Variants in KIF6 observed in about 807,000 individuals in gnomAD.
KIF6 encodes the protein kinesin-like protein KIF6.
A neutral mutation model predicts 112.7 loss-of-function variants in KIF6; 106 were observed. The observed-to-expected ratio is 0.94, with a 90% CI of 0.80 to 1.11. KIF6 has a LOEUF of 1.11. Among genes scored for constraint, KIF6 ranks in the 50% least tolerant of loss-of-function variants. The pLI, the probability that KIF6 is intolerant of heterozygous loss-of-function variation, is 0.00. For synonymous variants in KIF6, 339 were observed against 339.9 expected (o/e 1.00, Z 0.03); for missense variants, 929 against 964.0 (o/e 0.96, Z 0.48).
At chr6:39,716,780 T>A (rs113886947) in intron 2 of KIF6, among the ~76,000 whole-genome samples, 2 of 152,130 alleles carry the variant, frequency 1.3e-5, no homozygotes, top group African/African-American at 2.4e-5. Flanking sequence ...CATTTCAAAC[T>A]CAGCATATGC....
In KIF6 at chr6:39,586,245, A is replaced by G; in HGVS notation, c.990+16T>C. 6.2e-7 allele frequency: 1 copy of G among 1,613,576 alleles called. No individual in the cohort carries two copies. Among genetic ancestry groups the G allele is most frequent in the Non-Finnish European group, 8.5e-7 (1 of 1,179,786 alleles). ...AAAACCTAGATTAAGATCTCCAGAAAGAAGAGCCCACATACATCAAGATTC... is the reference window on the plus strand; with the variant it reads ...AAAACCTAGATTAAGATCTCCAGAAGGAAGAGCCCACATACATCAAGATTC... On this transcript the variant is annotated intron_variant, in intron 8 of 22. Transcript: ENST00000287152.
rs78103689 is a variant in KIF6, at chr6:39,416,561, A to G, written c.1810+3387T>C. 8.3e-3 allele frequency among the ~76,000 whole-genome samples: 1,266 copies of G among 152,324 alleles called. 20 individuals are homozygous for G. The highest frequency in any genetic ancestry group is 0.029 in the African/African-American group (1,211 of 41,580). On this transcript the variant is annotated intron_variant, in intron 15 of 22. Coordinates refer to ENST00000287152, the MANE Select transcript of KIF6 (RefSeq NM_145027.6). ...TATTTCAACATCAGGATTGATGTAA[A>G]TGGCGTCTAGAGAAAGACAAAAAGG... is the stretch of plus-strand genomic sequence containing the variant.
intron 5 of KIF6, among the ~76,000 whole-genome samples, chr6:39,622,167 C>CA (rs35199120): frequency 0.052 from 6,283 of 121,720 alleles, 376 homozygotes; most frequent in African/African-American, 0.16. Context: ...AAATCCAGCT[C>CA]AAAAAAAAAA....
intron 15 of KIF6, among the ~76,000 whole-genome samples, chr6:39,410,632 A>G (rs1212606130): frequency 6.6e-6 from 1 of 152,246 alleles, no homozygotes; most frequent in East Asian, 1.9e-4. Flanking sequence ...ATTTGACTGT[A>G]TGAAAAATAA....
intron 13 of KIF6, among the ~76,000 whole-genome samples, chr6:39,434,825 A>G (rs1024353066): frequency 3.3e-5 from 5 of 152,130 alleles, no homozygotes; most frequent in African/African-American, 1.2e-4. Context: ...AGAAGTTTCC[A>G]GGTGGAGGGG....
At chr6:39,418,880 G>A (rs1000179467) in intron 15 of KIF6, among the ~76,000 whole-genome samples, 3 of 152,154 alleles carry the variant, frequency 2.0e-5, no homozygotes, top group East Asian at 1.9e-4. Context: ...ACTTGTAGGC[G>A]GAGAAAAGGG....
chr6:39,679,723 C>A lies in KIF6; in HGVS notation c.251+34969G>T, dbSNP rs187301171. Among the ~76,000 whole-genome samples the A allele has an allele frequency of 4.1e-4, 60 of 147,068 alleles. No homozygotes were observed. The East Asian group carries it at 0.011, about 28-fold the overall frequency. On this transcript the variant is annotated intron_variant, in intron 3 of 22. Coordinates refer to ENST00000287152, the MANE Select transcript of KIF6 (RefSeq NM_145027.6). ...CTCCACCTCCTGGGTTCAAGCAATT[C>A]TCTTGCCTCAGCCTCCCGAGTAGCT...
intron 7 of KIF6, among the ~76,000 whole-genome samples, chr6:39,594,301 T>C (rs528173202): frequency 4.6e-5 from 7 of 152,078 alleles, no homozygotes; most frequent in Admixed American, 4.6e-4. Context: ...TAATTTTGCA[T>C]GAACAGATGG....
intron 16 of KIF6, among the ~76,000 whole-genome samples, chr6:39,367,776 C>G (rs1163087666): frequency 6.6e-6 from 1 of 152,198 alleles, no homozygotes; most frequent in African/African-American, 2.4e-5. Context: ...GCCCTCCTCT[C>G]AAACGCTCTC....
chr6:39,535,215 C>T (rs545980264), intron 13 of KIF6, among the ~76,000 whole-genome samples: 3,533 of 152,190 alleles, frequency 0.023, 65 homozygotes, highest in Non-Finnish European at 0.034. Context: ...CATAACAATA[C>T]TAACTTTAAA....
intron 13 of KIF6, among the ~76,000 whole-genome samples, chr6:39,473,537 TA>T (rs1774258631): frequency 6.6e-6 from 1 of 152,154 alleles, no homozygotes; most frequent in African/African-American, 2.4e-5. Flanking sequence ...AAATGTTGTA[TA>T]ATATTTAATA....
chr6:39,621,485 C>A (rs1382386821), intron 5 of KIF6, among the ~76,000 whole-genome samples: 1 of 152,208 alleles, frequency 6.6e-6, no homozygotes, highest in South Asian at 2.1e-4. Flanking sequence ...CTCGTTGCAT[C>A]TCTGTCTCCT....
chr6:39,626,345 C>G (rs767546273), intron 5 of KIF6, among the ~76,000 whole-genome samples: 1 of 152,264 alleles, frequency 6.6e-6, no homozygotes, highest in South Asian at 2.1e-4. Flanking sequence ...CAGACTGACA[C>G]AAGTGGCTCC....
In KIF6 at chr6:39,333,428, C is replaced by T. The variant is rs1762808069; in HGVS notation, c.*3104G>A. Reference sequence around the variant, plus strand: ...GGCTGGGCTTGCCTGGGAGGCTCTGCTCCAGGCTGTAGACTGGGCTCAGGT... The same window carrying T: ...GGCTGGGCTTGCCTGGGAGGCTCTGTTCCAGGCTGTAGACTGGGCTCAGGT... On this transcript the variant is annotated 3_prime_UTR_variant, in exon 23 of 23. Transcript: ENST00000287152. 6.6e-6 allele frequency: 1 copy of T among 152,284 alleles called. No individual in the cohort carries two copies. The allele number at this position is 152,284 out of a possible 1,614,324, so 9.4% of individuals were successfully genotyped here. A position where few individuals can be genotyped will look rare whatever the true frequency, so the allele number is the denominator to read the frequency against.
chr6:39,386,196 C>G (rs1349932654), intron 15 of KIF6, among the ~76,000 whole-genome samples: 1 of 152,132 alleles, frequency 6.6e-6, no homozygotes, highest in South Asian at 2.1e-4. Flanking sequence ...GCACAGAGAA[C>G]AGTGATAGTT....
At chr6:39,573,268 A>G (rs558396908) in intron 10 of KIF6, among the ~76,000 whole-genome samples, 1 of 152,222 alleles carries the variant, frequency 6.6e-6, no homozygotes, top group East Asian at 1.9e-4. Context: ...ACATTCCTGA[A>G]TAAATATCCA....
At chr6:39,515,853 T>C (rs574441630) in intron 13 of KIF6, among the ~76,000 whole-genome samples, 11 of 152,326 alleles carry the variant, frequency 7.2e-5, no homozygotes, top group African/African-American at 2.6e-4. Flanking sequence ...ATCATACTTA[T>C]GCGTTATTAA....
At chr6:39,409,387 C>T (rs1769321622) in intron 15 of KIF6, among the ~76,000 whole-genome samples, 1 of 152,206 alleles carries the variant, frequency 6.6e-6, no homozygotes, top group East Asian at 1.9e-4. Flanking sequence ...ACTGCCTGGG[C>T]TGGGCTTTTG....
At chr6:39,667,374 C>T (rs1786540603) in intron 3 of KIF6, among the ~76,000 whole-genome samples, 1 of 152,168 alleles carries the variant, frequency 6.6e-6, no homozygotes, top group Non-Finnish European at 1.5e-5. Flanking sequence ...AAAGTCTGTC[C>T]TAGCTCTCAG....
Sources: gnomAD v4.1 joint callset for allele counts (sites outside exome capture counted in the v4.1 genomes callset) on GRCh38, gnomAD v4.1.1 for gene constraint, MANE v1.5 for transcripts, NCBI Gene and HGNC (gene_info 2026-07-23, HGNC 2026-07-21) for gene names.